The following CNTNAP2 variants were observed in gnomAD, a reference collection of about 807,000 sequenced individuals.
The protein encoded by CNTNAP2 is contactin-associated protein-like 2.
CNTNAP2 carries 98 observed loss-of-function variants against 155.2 expected under a neutral mutation model. That is an observed-to-expected ratio of 0.63 (90% CI 0.54 to 0.75). The LOEUF (loss-of-function observed/expected upper bound fraction) is 0.75, where lower values mean the gene tolerates loss of function less well. Among genes scored for constraint, CNTNAP2 ranks in the 30% least tolerant of loss-of-function variants. CNTNAP2 has a pLI of 0.00. For synonymous variants in CNTNAP2, 651 were observed against 631.2 expected (o/e 1.03, Z -0.47); for missense variants, 1,727 against 1,688.1 (o/e 1.02, Z -0.40).
At chr7:147,015,404 C>T (rs1290709299) in intron 3 of CNTNAP2, among the ~76,000 whole-genome samples, 1 of 151,962 alleles carries the variant, frequency 6.6e-6, no homozygotes, top group Non-Finnish European at 1.5e-5. Context: ...ATTTTTTATT[C>T]TATAGCTAAC....
chr7:146,646,268 G>A (rs1343585273), intron 1 of CNTNAP2, among the ~76,000 whole-genome samples: 3 of 152,088 alleles, frequency 2.0e-5, no homozygotes, highest in Non-Finnish European at 2.9e-5. Context: ...TTCATTGTCT[G>A]TTTCTGTGCT....
intron 3 of CNTNAP2, among the ~76,000 whole-genome samples, chr7:146,966,291 CAA>C (rs1797655584): frequency 6.6e-6 from 1 of 152,164 alleles, no homozygotes; most frequent in African/African-American, 2.4e-5. Context: ...ATGAAAGGCA[CAA>C]ACTCTCTGAG....
intron 4 of CNTNAP2, among the ~76,000 whole-genome samples, chr7:147,067,244 T>TG (rs1277723162): frequency 7.7e-6 from 1 of 130,362 alleles, no homozygotes; most frequent in African/African-American, 3.0e-5. Context: ...TGAGCCAAGG[T>TG]CACGCCAATG....
intron 1 of CNTNAP2, among the ~76,000 whole-genome samples, chr7:146,119,320 C>A (rs1030273027): frequency 6.6e-6 from 1 of 152,088 alleles, no homozygotes; most frequent in Non-Finnish European, 1.5e-5. Context: ...TATTTCACAA[C>A]AACTGCATTT....
chr7:147,913,195 C>T (rs1237967655), intron 14 of CNTNAP2, among the ~76,000 whole-genome samples: 2 of 152,080 alleles, frequency 1.3e-5, no homozygotes, highest in African/African-American at 4.8e-5. Flanking sequence ...AGTTTAAATC[C>T]AGATTTATTG....
At chr7:147,231,281 C>G (rs2116617796) in intron 8 of CNTNAP2, among the ~76,000 whole-genome samples, 1 of 152,298 alleles carries the variant, frequency 6.6e-6, no homozygotes, top group Non-Finnish European at 1.5e-5. Context: ...TTTTTTAAGG[C>G]TGAATAATAT....
intron 13 of CNTNAP2, among the ~76,000 whole-genome samples, chr7:147,841,557 A>T (rs1020714856): frequency 2.0e-5 from 3 of 152,226 alleles, no homozygotes; most frequent in African/African-American, 2.4e-5. Flanking sequence ...GCAAAAAAAA[A>T]GACCCTACGC....
intron 12 of CNTNAP2, among the ~76,000 whole-genome samples, chr7:147,617,673 G>T (rs575111329): frequency 6.6e-6 from 1 of 151,990 alleles, no homozygotes; most frequent in African/African-American, 2.4e-5. Context: ...AAAACAGCAC[G>T]CAACCCAGAA....
At chr7:148,211,577 C>G (rs539247089) in intron 18 of CNTNAP2, among the ~76,000 whole-genome samples, 1 of 152,204 alleles carries the variant, frequency 6.6e-6, no homozygotes, top group Non-Finnish European at 1.5e-5. Flanking sequence ...GGGAAATAGG[C>G]AAAAACTATA....
At chr7:147,468,239 G>A (rs1186237017) in intron 10 of CNTNAP2, among the ~76,000 whole-genome samples, 1 of 152,156 alleles carries the variant, frequency 6.6e-6, no homozygotes, top group African/African-American at 2.4e-5. Flanking sequence ...AGTGAGCTAT[G>A]ATTGAACCAC....
intron 11 of CNTNAP2, among the ~76,000 whole-genome samples, chr7:147,500,726 C>T (rs368846235): frequency 1.9e-4 from 29 of 152,296 alleles, no homozygotes; most frequent in African/African-American, 7.0e-4. Context: ...ATAAGAGAAG[C>T]TTTCTCTGTG....
chr7:146,366,687 C>T (rs1795160599), intron 1 of CNTNAP2, among the ~76,000 whole-genome samples: 1 of 152,140 alleles, frequency 6.6e-6, no homozygotes, highest in Non-Finnish European at 1.5e-5. Context: ...TATTGTCCAT[C>T]ATTTATTTAT....
chr7:147,798,571 A>G (rs944326717), intron 13 of CNTNAP2, among the ~76,000 whole-genome samples: 3 of 152,160 alleles, frequency 2.0e-5, no homozygotes, highest in Admixed American at 6.5e-5. Flanking sequence ...CTAGACATAT[A>G]AACATTCAGA....
intron 13 of CNTNAP2, among the ~76,000 whole-genome samples, chr7:147,662,888 T>C (rs1384015945): frequency 6.6e-6 from 1 of 152,248 alleles, no homozygotes; most frequent in African/African-American, 2.4e-5. Context: ...ATTTTTTTAT[T>C]GTATTTCTTA....
intron 1 of CNTNAP2, among the ~76,000 whole-genome samples, chr7:146,390,562 A>G (rs2129106495): frequency 6.6e-6 from 1 of 150,822 alleles, no homozygotes; most frequent in East Asian, 1.9e-4. Context: ...CACTATATAT[A>G]TATATTCTTT....
At chr7:147,346,125 A>C (rs959474338) in intron 9 of CNTNAP2, among the ~76,000 whole-genome samples, 1 of 145,414 alleles carries the variant, frequency 6.9e-6, no homozygotes, top group African/African-American at 2.6e-5. Flanking sequence ...CCCATAATCG[A>C]AGATTTTATT....
intron 1 of CNTNAP2, among the ~76,000 whole-genome samples, chr7:146,269,684 C>T (rs1476241070): frequency 2.6e-5 from 4 of 152,084 alleles, no homozygotes; most frequent in African/African-American, 7.2e-5. Flanking sequence ...ACATAACAAC[C>T]GAAAGGGTAA....
intron 8 of CNTNAP2, among the ~76,000 whole-genome samples, chr7:147,254,524 T>C (rs952425460): frequency 6.6e-6 from 1 of 152,198 alleles, no homozygotes. Flanking sequence ...ATTTTTTTTT[T>C]CTATTCATTC....
At chr7:146,975,697 C>T (rs1466484737) in intron 3 of CNTNAP2, among the ~76,000 whole-genome samples, 2 of 152,118 alleles carry the variant, frequency 1.3e-5, no homozygotes, top group African/African-American at 4.8e-5. Context: ...CAGATGTGCT[C>T]CTCCATCTCC....
Sources: gnomAD v4.1 joint callset for allele counts (sites outside exome capture counted in the v4.1 genomes callset) on GRCh38, gnomAD v4.1.1 for gene constraint, MANE v1.5 for transcripts, NCBI Gene and HGNC (gene_info 2026-07-23, HGNC 2026-07-21) for gene names.